SEMA6A: variants seen among roughly 807,000 people sequenced by gnomAD.
SEMA6A encodes the protein semaphorin 6A.
A neutral mutation model predicts 96.8 loss-of-function variants in SEMA6A; 25 were observed. The ratio of observed to expected loss-of-function variants is 0.26; its 90% CI spans 0.19 to 0.36. The LOEUF (loss-of-function observed/expected upper bound fraction) is 0.36. Among genes scored for constraint, SEMA6A ranks in the 10% least tolerant of loss-of-function variants. The pLI, the probability that SEMA6A is intolerant of heterozygous loss-of-function variation, is 1.00. For missense variants in SEMA6A, 1,363 were observed against 1,323.1 expected (o/e 1.03, Z -0.47); for synonymous variants, 612 against 518.0 (o/e 1.18, Z -2.46).
chr5:116,468,776 A>C (rs536214500), intron 17 of SEMA6A: 14 of 152,268 alleles, frequency 9.2e-5, no homozygotes, highest in African/African-American at 3.4e-4. Context: ...CTCTTGAACA[A>C]TTTTTAAAAG....
At chr5:116,478,846 A>G (rs1756604837) in intron 12 of SEMA6A, 128 bp from the exon 13 acceptor site, 1 of 896,734 alleles carries the variant, frequency 1.1e-6, no homozygotes, top group Non-Finnish European at 1.7e-6. Flanking sequence ...GCATATAAAT[A>G]ATGTTCTCAA....
rs556230808 is a variant in SEMA6A at position 116,446,144 on chromosome 5, A to C, written c.*469T>G. On this transcript the variant is annotated 3_prime_UTR_variant, in exon 19 of 19. Transcript: ENST00000343348. Reference sequence around the variant, plus strand: ...TTTTTAAATTTTCTTGATTTTAAAAAATGTATTTGTGTTTTGCAGGTTGGA... The same window carrying C: ...TTTTTAAATTTTCTTGATTTTAAAACATGTATTTGTGTTTTGCAGGTTGGA... 2 of 154,636 alleles carry C rather than the reference A, an allele frequency of 1.3e-5. No homozygotes were observed. The highest frequency in any genetic ancestry group is 1.3e-4 in the Admixed American group (2 of 15,354). 9.6% of individuals were successfully genotyped at this position (154,636 alleles called of 1,614,324 possible). A position where few individuals can be genotyped will look rare whatever the true frequency, so the allele number is the denominator to read the frequency against.
At chr5:116,452,190 A>G (rs1754681863) in intron 18 of SEMA6A, among the ~76,000 whole-genome samples, 1 of 152,204 alleles carries the variant, frequency 6.6e-6, no homozygotes, top group Non-Finnish European at 1.5e-5. Flanking sequence ...CAACCCCTGC[A>G]TCCTCTTCTG....
intron 1 of SEMA6A, among the ~76,000 whole-genome samples, chr5:116,539,273 G>A (rs1759859970): frequency 6.6e-6 from 1 of 152,154 alleles, no homozygotes; most frequent in Non-Finnish European, 1.5e-5. Context: ...GTTTGATTCT[G>A]TAATTTTTGT....
At chr5:116,541,505 G>C (rs958497830) in intron 1 of SEMA6A, among the ~76,000 whole-genome samples, 2 of 152,048 alleles carry the variant, frequency 1.3e-5, no homozygotes, top group Non-Finnish European at 2.9e-5. Context: ...TACTAAGTTC[G>C]CATTATTGTC....
intron 17 of SEMA6A, chr5:116,471,408 G>A (rs1474790209): frequency 1.3e-5 from 2 of 152,132 alleles, no homozygotes; most frequent in African/African-American, 2.4e-5. Context: ...ATGAATGCTG[G>A]GGAGGTTGCT....
rs754388239 is a variant in SEMA6A at position 116,446,278 on chromosome 5, GT to G, written c.*334del. ...GTGTTGTGTGCATGTGTGTGTGTGTGTGTGTGTGGGGGTGGGGGATGGGGTA... is the reference window on the plus strand; with the variant it reads ...GTGTTGTGTGCATGTGTGTGTGTGTGGTGTGTGGGGGTGGGGGATGGGGTA... On this transcript the variant is annotated 3_prime_UTR_variant, in exon 19 of 19. Coordinates refer to ENST00000343348, the MANE Select transcript of SEMA6A (RefSeq NM_020796.5). 29,157 of 227,198 alleles carry G rather than the reference GT, an allele frequency of 0.13. 2,866 individuals are homozygous for G. The highest frequency in any genetic ancestry group is 0.29 in the African/African-American group (12,511 of 42,746). The allele number at this position is 227,198 out of a possible 1,614,324, so 14.1% of individuals were successfully genotyped here.
At chr5:116,563,563 GTTAA>G (rs1026539486) in intron 1 of SEMA6A, among the ~76,000 whole-genome samples, 13 of 152,118 alleles carry the variant, frequency 8.5e-5, no homozygotes, top group Admixed American at 1.3e-4. Flanking sequence ...ATTAATTAAG[GTTAA>G]TTAAAGTCCA....
Position 116,447,255 on chromosome 5 carries a change from G to A in SEMA6A, c.2451C>T (p.Val817=). 1 of 1,613,966 alleles carries A rather than the reference G, an allele frequency of 6.2e-7. No individual in the cohort carries two copies. The highest frequency in any genetic ancestry group is 8.5e-7 in the Non-Finnish European group (1 of 1,179,908). The part of the protein sequence containing the change: ...ASPSHIPSVV[V]LPITQQGYQH... ...GGTAGCCCTGCTGCGTGATGGGCAG[G>A]ACCACCACGCTGGGGATGTGGCTGG... The change falls in exon 19 of 19, where the codon GTC becomes GTT. Residue 817 remains valine (V), a synonymous_variant. Transcript: ENST00000343348.
At chr5:116,467,327 A>G (rs1318623079) in intron 18 of SEMA6A, among the ~76,000 whole-genome samples, 2 of 152,158 alleles carry the variant, frequency 1.3e-5, no homozygotes, top group Admixed American at 6.5e-5. Context: ...GCTTCGGGCC[A>G]AGCCACACCT....
chr5:116,545,428 G>A (rs1179111294), intron 1 of SEMA6A, among the ~76,000 whole-genome samples: 1 of 152,008 alleles, frequency 6.6e-6, no homozygotes, highest in East Asian at 1.9e-4. Context: ...AAATTACCCA[G>A]GCGTGGTGGC....
chr5:116,552,250 A>T (rs868671673), intron 1 of SEMA6A, among the ~76,000 whole-genome samples: 1 of 151,824 alleles, frequency 6.6e-6, no homozygotes, highest in Admixed American at 6.6e-5. Context: ...GTAGTCAATC[A>T]TTTTTTTTCA....
At position 116,446,733 on chromosome 5, in the gene SEMA6A, G is replaced by C; in HGVS notation, c.2973C>G (p.Ala991=). Residue 991 remains alanine, a synonymous_variant, in exon 19 of 19, where the codon GCC becomes GCG. Coordinates refer to ENST00000343348, the MANE Select transcript of SEMA6A (RefSeq NM_020796.5). ...GCCCCGACCTTGTCAGTGAGTTGTA[G>C]GCGTTGAGGCTGGGCTGCCTCGAGA... The part of the protein sequence containing the change: ...VTVSRQPSLN[A]YNSLTRSGLK... 1 of 1,603,244 alleles carries C rather than the reference G, an allele frequency of 6.2e-7. No homozygotes were observed. Among genetic ancestry groups the C allele is most frequent in the African/African-American group, 1.3e-5 (1 of 74,910 alleles).
intron 18 of SEMA6A, among the ~76,000 whole-genome samples, chr5:116,458,778 G>A (rs944880614): frequency 6.6e-6 from 1 of 151,902 alleles, no homozygotes; most frequent in Non-Finnish European, 1.5e-5. Flanking sequence ...CAAGACCTTA[G>A]ATAAATTCAG....
chr5:116,494,942 G>A (rs1360998546), intron 6 of SEMA6A, among the ~76,000 whole-genome samples: 1 of 150,990 alleles, frequency 6.6e-6, no homozygotes, highest in East Asian at 2.0e-4. Flanking sequence ...GCAAGGCCGT[G>A]GTCAAGAAAG....
intron 17 of SEMA6A, chr5:116,471,257 T>G (rs1756124280): frequency 6.6e-6 from 1 of 152,146 alleles, no homozygotes; most frequent in Admixed American, 6.5e-5. Flanking sequence ...CATTAATAAG[T>G]AAGTACCTTT....
intron 6 of SEMA6A, among the ~76,000 whole-genome samples, chr5:116,494,261 A>G (rs1757469108): frequency 6.6e-6 from 1 of 152,216 alleles, no homozygotes; most frequent in South Asian, 2.1e-4. Flanking sequence ...GCCTTTGTTC[A>G]TGCTGTTCCC....
At chr5:116,495,865 T>C (rs1400514242) in intron 5 of SEMA6A, 5 of 336,958 alleles carry the variant, frequency 1.5e-5, no homozygotes, top group African/African-American at 1.1e-4. Context: ...GTTTTTATGT[T>C]GTTATATGAC....
At chr5:116,449,564 G>A (rs1754496061) in intron 18 of SEMA6A, 2 of 535,392 alleles carry the variant, frequency 3.7e-6, no homozygotes, top group Non-Finnish European at 6.6e-6. Context: ...TTTCTGAAGT[G>A]ATGGTTTTAA....
Sources: allele counts gnomAD v4.1 joint callset (sites outside exome capture counted in the v4.1 genomes callset), GRCh38; gene constraint gnomAD v4.1.1; transcripts MANE v1.5; gene names NCBI Gene and HGNC (gene_info 2026-07-23, HGNC 2026-07-21).